The following ZC3H10 variants were observed in gnomAD, a reference collection of about 807,000 sequenced individuals.
ZC3H10 encodes the protein zinc finger CCCH-type containing 10, also known as zinc finger CCCH domain-containing protein 10.
A neutral mutation model predicts 24.3 loss-of-function variants in ZC3H10; 12 were observed. The ratio of observed to expected loss-of-function variants is 0.49; its 90% confidence interval spans 0.32 to 0.80. ZC3H10 has a LOEUF of 0.80. Ranked by LOEUF, ZC3H10 falls within the 30% of genes least tolerant of loss-of-function variation. ZC3H10 has a pLI of 0.04. For missense variants in ZC3H10, 360 were observed against 576.3 expected, an observed-to-expected ratio of 0.62 and a Z score of 3.84; for synonymous variants, 226 against 217.0, an observed-to-expected ratio of 1.04 and a Z score of -0.36.
Position 56,125,685 on chromosome 12 carries a change from G to C in ZC3H10, c.*3818G>C, listed in dbSNP as rs1017791301. 2 of 152,154 alleles carry C rather than the reference G, an allele frequency of 1.3e-5. No individual in the cohort carries two copies. The highest frequency in any genetic ancestry group is 2.9e-5 in the Non-Finnish European group (2 of 68,046). 9.4% of individuals were successfully genotyped at this position (152,154 alleles called of 1,614,324 possible). On this transcript the variant is annotated 3_prime_UTR_variant, in exon 3 of 3. Coordinates refer to ENST00000257940, the MANE Select transcript of ZC3H10 (RefSeq NM_032786.3). The stretch of plus-strand genomic sequence containing the variant: ...AACCTGCCCAGGGTTCTGCAAGTAA[G>C]GAATGGGGCCAGGAATCTATTCAGG...
In ZC3H10 at chr12:56,121,882, ACT is replaced by A; in HGVS notation, c.*17_*18del. On this transcript the variant is annotated 3_prime_UTR_variant, in exon 3 of 3. Coordinates refer to ENST00000257940, the MANE Select transcript of ZC3H10 (RefSeq NM_032786.3). This position sits in a 1 kb window ranked among gnomAD's most constrained non-coding sequence, Gnocchi z 6.2. ...TGCCACACTGATGGGGCTAATGGAC[ACT>A]CCCCTGGTATAGCCTCGCAGGGCTG... The A allele has an allele frequency of 6.3e-7, 1 of 1,589,308 alleles. No homozygotes were observed. Among genetic ancestry groups the A allele is most frequent in the Non-Finnish European group, 8.6e-7 (1 of 1,165,328 alleles).
In ZC3H10 at chr12:56,120,828, G is replaced by A. The variant is rs1869791200; in HGVS notation, c.266G>A (p.Arg89His). The change falls in exon 3 of 3, where the codon CGC (arginine) becomes CAC (histidine). Residue 89 changes from arginine (R) to histidine (H), a missense_variant. Arg to His is a conservative substitution (Grantham distance 29). This residue lies in a region of ZC3H10 where 126 missense variants were observed against 208.8 expected (regional missense o/e 0.60). Transcript: ENST00000257940. ...CHDFQNKECS[R>H]PNCRFIHGSK... ...GACTTCCAGAACAAGGAGTGTAGCCGCCCAAATTGCCGTTTCATCCATGGC... is the reference window on the plus strand; with the variant it reads ...GACTTCCAGAACAAGGAGTGTAGCCACCCAAATTGCCGTTTCATCCATGGC... 1 of 1,614,162 alleles carries A rather than the reference G, an allele frequency of 6.2e-7. No homozygotes were observed. Among genetic ancestry groups the A allele is most frequent in the Non-Finnish European group, 8.5e-7 (1 of 1,180,020 alleles).
rs922428277 is a variant in ZC3H10, at chr12:56,124,239, T to G, written c.*2372T>G. ...TTGCACACTGACCTTGTTTTGTGCT[T>G]AAACAAAATTGTGTAGTGATTTTGT... is the stretch of plus-strand genomic sequence containing the variant. On this transcript the variant is annotated 3_prime_UTR_variant, in exon 3 of 3. Coordinates refer to ENST00000257940, the MANE Select transcript of ZC3H10 (RefSeq NM_032786.3). 2.6e-5 allele frequency: 4 copies of G among 152,270 alleles called. No homozygotes were observed. Among genetic ancestry groups the G allele is most frequent in the African/African-American group, 9.6e-5 (4 of 41,476 alleles). The allele number at this position is 152,270 out of a possible 1,614,324, so 9.4% of individuals were successfully genotyped here.
intron 1 of ZC3H10, chr12:56,118,737 C>G (rs1023849045): frequency 5.3e-5 from 8 of 152,268 alleles, no homozygotes; most frequent in African/African-American, 1.9e-4. Flanking sequence ...ATCGGCCATC[C>G]CAATGCACTG....
rs1304096104 is a variant in ZC3H10, at chr12:56,124,787, A to G, written c.*2920A>G. The G allele has an allele frequency of 6.6e-6, 1 of 152,212 alleles. No individual in the cohort carries two copies. Among genetic ancestry groups the G allele is most frequent in the Non-Finnish European group, 1.5e-5 (1 of 68,028 alleles). The allele number at this position is 152,212 out of a possible 1,614,324, so 9.4% of individuals were successfully genotyped here. ...TAAAACACTGGAGCACTCTCACACT[A>G]AAAAATTGCTTAGATCTTGAACTAG... On this transcript the variant is annotated 3_prime_UTR_variant, in exon 3 of 3. Coordinates refer to ENST00000257940, the MANE Select transcript of ZC3H10 (RefSeq NM_032786.3).
In ZC3H10 at chr12:56,124,778, T is replaced by A. The variant is rs1459954596; in HGVS notation, c.*2911T>A. 1 of 152,210 alleles carries A rather than the reference T, an allele frequency of 6.6e-6. No individual in the cohort carries two copies. Among genetic ancestry groups the A allele is most frequent in the East Asian group, 1.9e-4 (1 of 5,206 alleles). 9.4% of individuals were successfully genotyped at this position (152,210 alleles called of 1,614,324 possible). ...TGAATTGACTAAAACACTGGAGCAC[T>A]CTCACACTAAAAAATTGCTTAGATC... is the stretch of plus-strand genomic sequence containing the variant. On this transcript the variant is annotated 3_prime_UTR_variant, in exon 3 of 3. Coordinates refer to ENST00000257940, the MANE Select transcript of ZC3H10 (RefSeq NM_032786.3).
In ZC3H10 at chr12:56,121,650, C is replaced by T; in HGVS notation, c.1088C>T (p.Thr363Met). 6.2e-7 allele frequency: 1 copy of T among 1,613,664 alleles called. No individual in the cohort carries two copies. The highest frequency in any genetic ancestry group is 1.1e-5 in the South Asian group (1 of 91,046). Reference protein sequence around the residue: ...PPPPHLTPEITPLSAALAQTI... With the variant: ...PPPPHLTPEIMPLSAALAQTI... The stretch of plus-strand genomic sequence containing the variant: ...CCCCCACACTTGACCCCAGAGATCA[C>T]GCCACTGTCAGCTGCCCTGGCTCAA... Residue 363 changes from threonine to methionine, a missense_variant, in exon 3 of 3, where the codon ACG (threonine) becomes ATG (methionine). Transcript: ENST00000257940. This position sits in a 1 kb window ranked among gnomAD's most constrained non-coding sequence, Gnocchi z 6.2.
At chr12:56,119,301 C>T (rs1409636561) in intron 2 of ZC3H10, 150 bp downstream of exon 2, 3 of 152,282 alleles carry the variant, frequency 2.0e-5, no homozygotes, top group Non-Finnish European at 4.4e-5. Context: ...TCTTCTTTTA[C>T]CACTTCTTTC....
chr12:56,122,146 T>C lies in ZC3H10; in HGVS notation c.*279T>C, dbSNP rs139202016. ...AGAGGAAGGACTGACTGAGGGGCTG[T>C]GTCCTCTTATGGGAATTTGGGAACA... On this transcript the variant is annotated 3_prime_UTR_variant, in exon 3 of 3. Coordinates refer to ENST00000257940, the MANE Select transcript of ZC3H10 (RefSeq NM_032786.3). The C allele has an allele frequency of 1.7e-3, 792 of 454,196 alleles. 8 individuals carry two copies. The highest frequency in any genetic ancestry group is 0.013 in the African/African-American group (642 of 50,864). The allele number at this position is 454,196 out of a possible 1,614,324, so 28.1% of individuals were successfully genotyped here. A position where few individuals can be genotyped will look rare whatever the true frequency, so the allele number is the denominator to read the frequency against.
At position 56,126,165 on chromosome 12, in the gene ZC3H10, G is replaced by A. The variant is rs374964412; in HGVS notation, c.*4298G>A. 6.4e-4 allele frequency: 98 copies of A among 152,326 alleles called. No homozygotes were observed. The highest frequency in any genetic ancestry group is 2.3e-3 in the African/African-American group (96 of 41,564). 9.4% of individuals were successfully genotyped at this position (152,326 alleles called of 1,614,324 possible). On this transcript the variant is annotated 3_prime_UTR_variant, in exon 3 of 3. Coordinates refer to ENST00000257940, the MANE Select transcript of ZC3H10 (RefSeq NM_032786.3). ...CTTGTTGCCCTTCCCATCTTTGTGA[G>A]CTGAGATCAGAGTACCGTATCTCAC...
At chr12:56,120,171 C>T (rs1017499559) in intron 2 of ZC3H10, 3 of 1,005,122 alleles carry the variant, frequency 3.0e-6, no homozygotes, top group Non-Finnish European at 1.2e-6. Context: ...CAGTTTCCTT[C>T]CAGACTATTC....
chr12:56,121,725 C>T lies in ZC3H10; in HGVS notation c.1163C>T (p.Ala388Val). Reference protein sequence around the residue: ...APPPVSMAPVAVSVAPVAPVA... With the variant: ...APPPVSMAPVVVSVAPVAPVA... ...CCACCTGTCTCCATGGCTCCTGTGGCTGTATCTGTGGCTCCTGTGGCCCCT... is the reference window on the plus strand; with the variant it reads ...CCACCTGTCTCCATGGCTCCTGTGGTTGTATCTGTGGCTCCTGTGGCCCCT... Residue 388 changes from alanine to valine, a missense_variant, in exon 3 of 3, where the codon GCT (alanine) becomes GTT (valine). By Grantham distance (64) the Ala-to-Val change is moderately conservative (BLOSUM62 0). Around this residue, in one of 3 missense-constraint regions of ZC3H10, gnomAD observed 133 missense variants for 256.7 expected, o/e 0.52. Transcript: ENST00000257940. This position sits in a 1 kb window ranked among gnomAD's most constrained non-coding sequence, Gnocchi z 6.2. 1.2e-6 allele frequency: 2 copies of T among 1,614,120 alleles called. No homozygotes were observed. The highest frequency in any genetic ancestry group is 1.7e-6 in the Non-Finnish European group (2 of 1,180,010).
In ZC3H10 at chr12:56,122,139, G is replaced by A. The variant is rs146904688; in HGVS notation, c.*272G>A. ...CCAGCAGAGAGGAAGGACTGACTGA[G>A]GGGCTGTGTCCTCTTATGGGAATTT... On this transcript the variant is annotated 3_prime_UTR_variant, in exon 3 of 3. Coordinates refer to ENST00000257940, the MANE Select transcript of ZC3H10 (RefSeq NM_032786.3). 1 of 474,506 alleles carries A rather than the reference G, an allele frequency of 2.1e-6. No homozygotes were observed. The highest frequency in any genetic ancestry group is 3.8e-5 in the Admixed American group (1 of 26,380). The allele number at this position is 474,506 out of a possible 1,614,324, so 29.4% of individuals were successfully genotyped here.
chr12:56,120,060 C>T (rs909891074), intron 2 of ZC3H10: 9 of 241,312 alleles, frequency 3.7e-5, no homozygotes, highest in African/African-American at 2.1e-4. Context: ...TGTACAGAGC[C>T]CTTACCTGAG....
intron 2 of ZC3H10, chr12:56,119,513 G>A (rs1471882235): frequency 6.6e-6 from 1 of 152,054 alleles, no homozygotes; most frequent in East Asian, 1.9e-4. Flanking sequence ...ACAATATGAA[G>A]TTTTCCTATT....
Position 56,121,990 on chromosome 12 carries a change from T to A in ZC3H10, c.*123T>A, listed in dbSNP as rs1348407554. The A allele has an allele frequency of 4.2e-6, 5 of 1,198,288 alleles. No homozygotes were observed. The highest frequency in any genetic ancestry group is 5.7e-5 in the Admixed American group (2 of 35,144). The allele number at this position is 1,198,288 out of a possible 1,614,324, so 74.2% of individuals were successfully genotyped here. A position where few individuals can be genotyped will look rare whatever the true frequency, so the allele number is the denominator to read the frequency against. ...TCCCTTGAGAACTAGGACAAGAGAC[T>A]ACAAGGAGTATGTCCTGAGGAGGGG... On this transcript the variant is annotated 3_prime_UTR_variant, in exon 3 of 3. Transcript: ENST00000257940. The surrounding 1 kb of genome is among the most constrained non-coding windows in gnomAD (Gnocchi z 6.2).
chr12:56,127,494 T>C lies in ZC3H10; in HGVS notation c.*5627T>C, dbSNP rs773087573. ...ACTCTTGGAAATTTCCAAAAAGAAA[T>C]AAAGCCTCACTTTCTATTCACTCTG... On this transcript the variant is annotated 3_prime_UTR_variant, in exon 3 of 3. Coordinates refer to ENST00000257940, the MANE Select transcript of ZC3H10 (RefSeq NM_032786.3). 6.6e-6 allele frequency: 1 copy of C among 152,150 alleles called. No individual in the cohort carries two copies. The highest frequency in any genetic ancestry group is 1.9e-4 in the East Asian group (1 of 5,194). 9.4% of individuals were successfully genotyped at this position (152,150 alleles called of 1,614,324 possible). A position where few individuals can be genotyped will look rare whatever the true frequency, so the allele number is the denominator to read the frequency against.
At position 56,120,962 on chromosome 12, in the gene ZC3H10, AAGG is replaced by A. The variant is rs757357518; in HGVS notation, c.407_409del (p.Glu136del). 6.2e-7 allele frequency: 1 copy of A among 1,614,144 alleles called. No homozygotes were observed. The highest frequency in any genetic ancestry group is 8.5e-7 in the Non-Finnish European group (1 of 1,180,020). ...TTCACCGGCTGACCTACCAAATGGC[AAGG>A]AGGAGGTCCCTATCTGCCGTGACTT... On this transcript the variant is annotated inframe_deletion, in exon 3 of 3. Transcript: ENST00000257940.
At position 56,120,595 on chromosome 12, in the gene ZC3H10, C is replaced by T. The variant is rs1312557796; in HGVS notation, c.33C>T (p.Thr11=). ...ACCGGGACAGCTATGCCAACGGTAC[C>T]GGGAGCAGCGGTGGAGGCCCTGGAG... MPDRDSYANG[T]GSSGGGPGGG... is the part of the protein sequence containing the mutation. Residue 11 remains threonine, a synonymous_variant, in exon 3 of 3, where the codon ACC becomes ACT. Transcript: ENST00000257940. 7 of 1,574,164 alleles carry T rather than the reference C, an allele frequency of 4.4e-6. No homozygotes were observed. Among genetic ancestry groups the T allele is most frequent in the South Asian group, 3.5e-5 (3 of 84,686 alleles).
Sources: gnomAD v4.1 joint callset for allele counts on GRCh38, gnomAD v4.1.1 for gene constraint, gnomAD v4.1.1 regional missense constraint, Gnocchi (gnomAD v3.1) non-coding constraint, MANE v1.5 for transcripts, NCBI Gene and HGNC (gene_info 2026-07-23, HGNC 2026-07-21) for gene names.